The following KARS1 variants were observed in gnomAD, a reference collection of about 807,000 sequenced individuals.
KARS1 encodes lysine--tRNA ligase.
In KARS1, 50 loss-of-function variants were observed where a neutral mutation model predicts 63.9. That is an observed-to-expected ratio of 0.78 (90% CI 0.62 to 0.99). The LOEUF (loss-of-function observed/expected upper bound fraction) is 0.99, where lower values mean the gene tolerates loss of function less well. KARS1 is among the 50% of genes least tolerant of loss of function. The pLI is 0.00. For missense variants in KARS1, 816 were observed against 754.5 expected, an observed-to-expected ratio of 1.08 and a Z score of -0.95; for synonymous variants, 320 against 264.6, an observed-to-expected ratio of 1.21 and a Z score of -2.03.
chr16:75,643,842 C>A (rs1349192809), intron 1 of KARS1, among the ~76,000 whole-genome samples: 5 of 152,204 alleles, frequency 3.3e-5, no homozygotes, highest in African/African-American at 1.2e-4. Flanking sequence ...TAAGATTAGG[C>A]TGTCTAGTTC....
chr16:75,634,302 G>A lies in KARS1; in HGVS notation c.796-10C>T. The A allele has an allele frequency of 6.2e-7, 1 of 1,613,700 alleles. No individual in the cohort carries two copies. Among genetic ancestry groups the A allele is most frequent in the Non-Finnish European group, 8.5e-7 (1 of 1,179,760 alleles). On this transcript the variant is annotated splice_polypyrimidine_tract_variant and intron_variant, in intron 6 of 13. Coordinates refer to ENST00000302445, the MANE Select transcript of KARS1 (RefSeq NM_005548.3). ...TCATGGGAGTTTCAATCTAAAAAAGGCAGGGAGAAACATCAGTCCTTAGAT... is the reference window on the plus strand; with the variant it reads ...TCATGGGAGTTTCAATCTAAAAAAGACAGGGAGAAACATCAGTCCTTAGAT...
intron 1 of KARS1, among the ~76,000 whole-genome samples, 154 bp from the exon 2 acceptor site, chr16:75,641,877 T>C (rs1246026257): frequency 2.6e-5 from 4 of 152,114 alleles, no homozygotes; most frequent in African/African-American, 9.7e-5. Flanking sequence ...TCAGCTCAAG[T>C]AGCTTGTCAC....
chr16:75,641,607 G>C lies in KARS1; in HGVS notation c.179C>G (p.Thr60Ser), dbSNP rs751901404. The C allele has an allele frequency of 1.2e-6, 2 of 1,613,648 alleles. No individual in the cohort carries two copies. Among genetic ancestry groups the C allele is most frequent in the South Asian group, 2.2e-5 (2 of 91,084 alleles). Residue 60 changes from threonine (T) to serine (S), a missense_variant, in exon 2 of 14, where the codon ACT becomes AGT. Coordinates refer to ENST00000302445, the MANE Select transcript of KARS1 (RefSeq NM_005548.3). ...QATAAATNHT[T>S]DNGVGPEEES... is the part of the protein sequence containing the mutation. ...TTCCTCAGGACCCACACCATTATCA[G>C]TGGTGTGGTTGGTGGCAGCAGCAGT...
intron 7 of KARS1, among the ~76,000 whole-genome samples, chr16:75,632,379 T>C (rs2082123585): frequency 1.3e-5 from 2 of 152,236 alleles, no homozygotes; most frequent in Non-Finnish European, 2.9e-5. Context: ...ATACTCTTCC[T>C]GTCTTGGGCA....
intron 11 of KARS1, 39 bp downstream of exon 11, chr16:75,630,384 T>A: frequency 8.1e-7 from 1 of 1,237,108 alleles, no homozygotes; most frequent in Non-Finnish European, 1.2e-6. Flanking sequence ...CCACTAAGTT[T>A]TGGGGCTGTT....
intron 6 of KARS1, 102 bp from the exon 7 acceptor site, chr16:75,634,394 C>T: frequency 8.3e-7 from 1 of 1,206,680 alleles, no homozygotes; most frequent in Non-Finnish European, 1.2e-6. Context: ...ATACCCCAAA[C>T]TAAATGTTAA....
At chr16:75,639,465 G>A (rs1043561100) in intron 3 of KARS1, among the ~76,000 whole-genome samples, 3 of 151,730 alleles carry the variant, frequency 2.0e-5, no homozygotes, top group East Asian at 1.9e-4. Context: ...CCAGGTACTC[G>A]GGAGGCTGAG....
intron 10 of KARS1, 43 bp downstream of exon 10, chr16:75,631,125 A>G (rs1366990067): frequency 2.0e-6 from 3 of 1,504,120 alleles, no homozygotes. Context: ...GGAACCATTC[A>G]GCACCAGATG....
rs2082159111 is a variant in KARS1, at chr16:75,636,085, C to T, written c.496G>A (p.Glu166Lys). Residue 166 changes from glutamate (E) to lysine (K), a missense_variant, in exon 5 of 14, where the codon GAA (glutamate) becomes AAA (lysine). Physicochemically the swap from Glu to Lys is moderately conservative, Grantham distance 56. Transcript: ENST00000302445. ...TTATTAATATGAATAAATTCTTCTT[C>T]TGATTTATAATTTCTGAGTGAAAAA... ...VMANSRNYKSEEEFIHINNKL... is the reference protein window; with the variant it reads ...VMANSRNYKSKEEFIHINNKL... The T allele has an allele frequency of 1.3e-6, 2 of 1,578,656 alleles. No individual in the cohort carries two copies. Among genetic ancestry groups the T allele is most frequent in the Non-Finnish European group, 1.7e-6 (2 of 1,148,192 alleles).
chr16:75,644,430 G>C (rs1252562253), intron 1 of KARS1: 3 of 1,609,394 alleles, frequency 1.9e-6, no homozygotes, highest in Non-Finnish European at 2.5e-6. Flanking sequence ...CGTCAACATG[G>C]CAGAGCACCC....
At chr16:75,628,287 C>T (rs2082073357) in intron 13 of KARS1, among the ~76,000 whole-genome samples, 1 of 152,200 alleles carries the variant, frequency 6.6e-6, no homozygotes, top group East Asian at 1.9e-4. Flanking sequence ...GTTTCTACAC[C>T]TCATAAGGCT....
chr16:75,632,924 T>C (rs1411582215), intron 7 of KARS1, among the ~76,000 whole-genome samples: 1 of 152,162 alleles, frequency 6.6e-6, no homozygotes, highest in Admixed American at 6.5e-5. Flanking sequence ...CGTACAGCAT[T>C]AGGTCATAGG....
intron 1 of KARS1, among the ~76,000 whole-genome samples, chr16:75,645,599 C>T (rs1158801982): frequency 9.2e-5 from 14 of 152,106 alleles, no homozygotes; most frequent in Non-Finnish European, 1.6e-4. Context: ...ATAATCCTAG[C>T]GCTTTGTGGG....
Position 75,644,174 on chromosome 16 carries a change from T to C in KARS1, c.63-2451A>G. The C allele has an allele frequency of 3.1e-6, 3 of 970,378 alleles. No homozygotes were observed. In the East Asian group the frequency reaches 7.9e-5, roughly 26 times the overall value. 60.1% of individuals were successfully genotyped at this position (970,378 alleles called of 1,614,324 possible). On this transcript the variant is annotated intron_variant, in intron 1 of 13. Coordinates refer to ENST00000302445, the MANE Select transcript of KARS1 (RefSeq NM_005548.3). Reference sequence around the variant, plus strand: ...TTGGTTTTGGTATTAGGGCTCCTTGTTTCCTTAGCAACAAGTCCAAAGACT... The same window carrying C: ...TTGGTTTTGGTATTAGGGCTCCTTGCTTCCTTAGCAACAAGTCCAAAGACT...
Position 75,635,800 on chromosome 16 carries a change from T to C in KARS1, c.675A>G (p.Thr225=), listed in dbSNP as rs201237548. 3 of 1,614,230 alleles carry C rather than the reference T, an allele frequency of 1.9e-6. No individual in the cohort carries two copies. Among genetic ancestry groups the C allele is most frequent in the African/African-American group, 1.3e-5 (1 of 75,058 alleles). ...AGTCCAAGTATCTCTGGCGATACCTTGTTTCCTAAACCAAAAGCAGCAGTT... is the reference window on the plus strand; with the variant it reads ...AGTCCAAGTATCTCTGGCGATACCTCGTTTCCTAAACCAAAAGCAGCAGTT... ...HLHFGLKDKE[T]RYRQRYLDLI... Residue 225 remains threonine (T), a synonymous_variant, in exon 6 of 14, where the codon ACA becomes ACG. Coordinates refer to ENST00000302445, the MANE Select transcript of KARS1 (RefSeq NM_005548.3).
At chr16:75,644,545 G>C (rs1413695686) in intron 1 of KARS1, 15 of 990,084 alleles carry the variant, frequency 1.5e-5, no homozygotes, top group Non-Finnish European at 2.0e-5. Context: ...GGTTGGGGAG[G>C]GGGACCATGC....
intron 13 of KARS1, among the ~76,000 whole-genome samples, chr16:75,628,355 C>T (rs1182963922): frequency 6.6e-6 from 1 of 152,172 alleles, no homozygotes; most frequent in Non-Finnish European, 1.5e-5. Flanking sequence ...GAAATGCAAA[C>T]AATTAGTATT....
chr16:75,640,224 C>A lies in KARS1; in HGVS notation c.348G>T (p.Gln116His). 2 of 1,614,144 alleles carry A rather than the reference C, an allele frequency of 1.2e-6. No individual in the cohort carries two copies. The highest frequency in any genetic ancestry group is 1.7e-6 in the Non-Finnish European group (2 of 1,180,006). ...TDFIQKYSHL[Q>H]PGDHLTDITL... is the part of the protein sequence containing the mutation. ...TGATGTCAGTCAGGTGATCCCCAGG[C>A]TGCAGGTGACTATATTTTTGGATGA... is the stretch of plus-strand genomic sequence containing the variant. Residue 116 changes from glutamine (Q) to histidine (H), a missense_variant, in exon 3 of 14, where the codon CAG becomes CAT. Physicochemically the swap from Gln to His is conservative, Grantham distance 24. Coordinates refer to ENST00000302445, the MANE Select transcript of KARS1 (RefSeq NM_005548.3).
chr16:75,641,678 C>T lies in KARS1; in HGVS notation c.108G>A (p.Lys36=), dbSNP rs76151791. The change falls in exon 2 of 14, where the codon AAG becomes AAA. Residue 36 remains lysine (K), a synonymous_variant. Transcript: ENST00000302445. ...RLKAEKKVAE[K]EAKQKELSEK... is the part of the protein sequence containing the mutation. ...CACTGAGCTCTTTCTGTTTGGCCTC[C>T]TTCTCTGCTACTTTCTTCTCAGCTT... is the stretch of plus-strand genomic sequence containing the variant. 1.5e-5 allele frequency: 24 copies of T among 1,614,034 alleles called. No homozygotes were observed. The African/African-American group carries it at 2.9e-4, about 20-fold the overall frequency.
Sources: allele counts gnomAD v4.1 joint callset (sites outside exome capture counted in the v4.1 genomes callset), GRCh38; gene constraint gnomAD v4.1.1; transcripts MANE v1.5; gene names NCBI Gene and HGNC (gene_info 2026-07-23, HGNC 2026-07-21).